GRM5: variants seen among roughly 807,000 people sequenced by gnomAD.
GRM5 encodes the protein metabotropic glutamate receptor 5.
Under a neutral mutation model 83.1 loss-of-function variants are expected in GRM5, and 19 were observed. The observed-to-expected ratio is 0.23, with a 90% CI of 0.16 to 0.34. The LOEUF is 0.34. Among genes scored for constraint, GRM5 ranks in the 10% least tolerant of loss-of-function variants. The pLI, the probability that GRM5 is intolerant of heterozygous loss-of-function variation, is 1.00. For missense variants in GRM5, 1,160 were observed against 1,588.3 expected (o/e 0.73, Z 4.58); for synonymous variants, 675 against 633.6 (o/e 1.07, Z -0.98).
At position 88,981,105 on chromosome 11, in the gene GRM5, A is replaced by C. The variant is rs570643348; in HGVS notation, c.661+66107T>G. On this transcript the variant is annotated intron_variant, in intron 2 of 9. Coordinates refer to ENST00000305447, the MANE Select transcript of GRM5 (RefSeq NM_001143831.3). Reference sequence around the variant, plus strand: ...AAGATAAAGATGTTAATCTAGGCATACAAGGTACTCTGTGATCTCTGCCTC... The same window carrying C: ...AAGATAAAGATGTTAATCTAGGCATCCAAGGTACTCTGTGATCTCTGCCTC... Among the ~76,000 whole-genome samples the C allele has an allele frequency of 2.0e-5, 3 of 152,302 alleles. No homozygotes were observed. In the East Asian group the frequency reaches 5.8e-4, roughly 29 times the overall value.
chr11:88,701,091 T>C (rs983230435), intron 3 of GRM5, among the ~76,000 whole-genome samples: 1 of 152,092 alleles, frequency 6.6e-6, no homozygotes, highest in Non-Finnish European at 1.5e-5. Context: ...AGGGAATGCT[T>C]CCAGCAAGGG....
intron 2 of GRM5, among the ~76,000 whole-genome samples, chr11:88,982,965 C>A (rs1342038577): frequency 6.6e-6 from 1 of 152,194 alleles, no homozygotes; most frequent in Non-Finnish European, 1.5e-5. Context: ...ACTCAGGAAG[C>A]TGAAGCTGGA....
rs189025567 is a variant in GRM5, at chr11:88,676,762, A to G, written c.912-23359T>C. 2.0e-3 allele frequency among the ~76,000 whole-genome samples: 304 copies of G among 152,178 alleles called. 2 individuals are homozygous for G. The highest frequency in any genetic ancestry group is 7.0e-3 in the African/African-American group (291 of 41,552). ...AAAATACTTTTAAAGTGAAAATTAT[A>G]GTCTTGATAAGTTAATGCATCTTCA... On this transcript the variant is annotated intron_variant, in intron 3 of 9. Coordinates refer to ENST00000305447, the MANE Select transcript of GRM5 (RefSeq NM_001143831.3).
chr11:88,858,582 C>T (rs1590917504), intron 2 of GRM5, among the ~76,000 whole-genome samples: 1 of 151,868 alleles, frequency 6.6e-6, no homozygotes, highest in Non-Finnish European at 1.5e-5. Flanking sequence ...AAGAAGAATA[C>T]GTGACAGTTT....
intron 2 of GRM5, among the ~76,000 whole-genome samples, chr11:88,906,058 C>A (rs968519988): frequency 1.1e-4 from 16 of 152,132 alleles, no homozygotes; most frequent in African/African-American, 3.4e-4. Flanking sequence ...TAGTGTATAA[C>A]AGAAGAGAAA....
At chr11:88,716,555 C>G (rs1941404451) in intron 3 of GRM5, among the ~76,000 whole-genome samples, 1 of 151,866 alleles carries the variant, frequency 6.6e-6, no homozygotes, top group Non-Finnish European at 1.5e-5. Flanking sequence ...TTAATGCTTT[C>G]AGAGTGCTAG....
At chr11:88,700,561 A>C (rs1941007729) in intron 3 of GRM5, among the ~76,000 whole-genome samples, 1 of 142,468 alleles carries the variant, frequency 7.0e-6, no homozygotes, top group African/African-American at 2.5e-5. Context: ...AAGGGCAAAT[A>C]ACTTATTTTG....
chr11:88,680,551 C>A (rs1483212313), intron 3 of GRM5, among the ~76,000 whole-genome samples: 1 of 152,154 alleles, frequency 6.6e-6, no homozygotes, highest in African/African-American at 2.4e-5. Context: ...ACTAGTTCAA[C>A]CATTGTGGAA....
intron 2 of GRM5, among the ~76,000 whole-genome samples, chr11:88,977,549 C>T (rs773477155): frequency 5.3e-5 from 8 of 152,256 alleles, no homozygotes; most frequent in South Asian, 4.1e-4. Flanking sequence ...CCATTCGGAA[C>T]GCAGAAATTT....
At chr11:88,865,784 G>T (rs927992402) in intron 2 of GRM5, among the ~76,000 whole-genome samples, 24 of 152,018 alleles carry the variant, frequency 1.6e-4, no homozygotes, top group African/African-American at 5.6e-4. Flanking sequence ...AGACATTTAT[G>T]CAGCCAACAA....
chr11:88,919,108 G>A (rs1590963952), intron 2 of GRM5, among the ~76,000 whole-genome samples: 1 of 147,848 alleles, frequency 6.8e-6, no homozygotes, highest in East Asian at 2.0e-4. Context: ...GTGGCTGAAT[G>A]CATTAAAACT....
chr11:88,790,034 T>C (rs1033193719), intron 3 of GRM5, among the ~76,000 whole-genome samples: 4 of 152,096 alleles, frequency 2.6e-5, no homozygotes, highest in South Asian at 2.1e-4. Flanking sequence ...TGGCAAATTT[T>C]TGTATTTTTA....
chr11:88,822,889 T>C (rs1229906963), intron 3 of GRM5, among the ~76,000 whole-genome samples: 1 of 152,052 alleles, frequency 6.6e-6, no homozygotes, highest in East Asian at 1.9e-4. Context: ...TTTTGAAGTG[T>C]GACTAAAACG....
intron 9 of GRM5, among the ~76,000 whole-genome samples, chr11:88,510,900 C>A (rs781017293): frequency 2.0e-5 from 3 of 152,210 alleles, no homozygotes; most frequent in African/African-American, 4.8e-5. Flanking sequence ...CTGTTATTTT[C>A]AGTCAAGACA....
Position 88,508,590 on chromosome 11 carries a change from A to AT in GRM5, c.*1dup. The AT allele has an allele frequency of 6.2e-7, 1 of 1,607,370 alleles. No individual in the cohort carries two copies. The highest frequency in any genetic ancestry group is 8.5e-7 in the Non-Finnish European group (1 of 1,176,506). On this transcript the variant is annotated 3_prime_UTR_variant, in exon 10 of 10. Transcript: ENST00000305447. This position sits in a 1 kb window ranked among gnomAD's most constrained non-coding sequence, Gnocchi z 4.2. Reference sequence around the variant, plus strand: ...GCAGGCCGGCGTGCTTTCCAGGGACATTCACAACGACGAGGAGCTCTGAGT... The same window carrying AT: ...GCAGGCCGGCGTGCTTTCCAGGGACATTTCACAACGACGAGGAGCTCTGAGT...
chr11:88,973,032 G>T (rs1382457207), intron 2 of GRM5, among the ~76,000 whole-genome samples: 2 of 152,028 alleles, frequency 1.3e-5, no homozygotes, highest in Admixed American at 6.6e-5. Context: ...AAAAAATAAG[G>T]AACTATTCCA....
At chr11:89,015,632 C>G (rs1264641644) in intron 2 of GRM5, among the ~76,000 whole-genome samples, 2 of 152,140 alleles carry the variant, frequency 1.3e-5, no homozygotes, top group African/African-American at 4.8e-5. Context: ...ACACTTTATT[C>G]TGTGTGTGTT....
Position 88,590,642 on chromosome 11 carries a change from T to A in GRM5, c.1649A>T (p.Lys550Met). 1.2e-6 allele frequency: 2 copies of A among 1,609,018 alleles called. No individual in the cohort carries two copies. Among genetic ancestry groups the A allele is most frequent in the Non-Finnish European group, 1.7e-6 (2 of 1,175,356 alleles). ...GGGCCAAGACCCCAGTTGGCATGCC[T>A]TGCATGTGTACTCATCAAAGACATA... ...NEYVFDEYTC[K>M]ACQLGSWPTD... Residue 550 changes from lysine to methionine, a missense_variant, in exon 7 of 10, where the codon AAG (lysine) becomes ATG (methionine). Physicochemically the swap from Lys to Met is moderately conservative, Grantham distance 95. Coordinates refer to ENST00000305447, the MANE Select transcript of GRM5 (RefSeq NM_001143831.3).
chr11:88,872,126 G>A (rs1056805234), intron 2 of GRM5, among the ~76,000 whole-genome samples: 1 of 151,358 alleles, frequency 6.6e-6, no homozygotes, highest in Non-Finnish European at 1.5e-5. Context: ...ACATTATTAA[G>A]CATTGTTAAG....
Sources: allele counts gnomAD v4.1 joint callset (sites outside exome capture counted in the v4.1 genomes callset), GRCh38; gene constraint gnomAD v4.1.1; non-coding constraint Gnocchi (gnomAD v3.1); transcripts MANE v1.5; gene names NCBI Gene and HGNC (gene_info 2026-07-23, HGNC 2026-07-21).